Variants in SETBP1 observed in about 807,000 individuals in gnomAD.
The protein encoded by SETBP1 is SET-binding protein.
SETBP1 carries 9 observed loss-of-function variants against 101.0 expected under a neutral mutation model. That is an observed-to-expected ratio of 0.09 (90% CI 0.05 to 0.16). The LOEUF (loss-of-function observed/expected upper bound fraction) is 0.16. Among genes scored for constraint, SETBP1 ranks in the 10% least tolerant of loss-of-function variants. The pLI, the probability that SETBP1 is intolerant of heterozygous loss-of-function variation, is 1.00. For missense variants in SETBP1, 1,858 were observed against 2,033.8 expected (o/e 0.91, Z 1.66); for synonymous variants, 818 against 788.5 (o/e 1.04, Z -0.63).
At chr18:44,682,554 C>T (rs1373010552) in intron 1 of SETBP1, among the ~76,000 whole-genome samples, 3 of 152,138 alleles carry the variant, frequency 2.0e-5, no homozygotes, top group Admixed American at 1.3e-4. Context: ...TTTGCTCTGA[C>T]GAGGGATTCC....
chr18:44,881,135 A>C (rs2069521755), intron 3 of SETBP1, among the ~76,000 whole-genome samples: 1 of 152,248 alleles, frequency 6.6e-6, no homozygotes, highest in South Asian at 2.1e-4. Context: ...GGAGTTAACA[A>C]GTTTTGTGAG....
chr18:44,828,254 A>T (rs2144431578), intron 2 of SETBP1, among the ~76,000 whole-genome samples: 1 of 152,270 alleles, frequency 6.6e-6, no homozygotes, highest in African/African-American at 2.4e-5. Flanking sequence ...CCAGTTAGGA[A>T]GTTCCGTTAT....
At chr18:44,891,546 A>G (rs1358853327) in intron 3 of SETBP1, among the ~76,000 whole-genome samples, 1 of 152,116 alleles carries the variant, frequency 6.6e-6, no homozygotes, top group Non-Finnish European at 1.5e-5. Context: ...CACCAGCCAC[A>G]GCTTCTAAAG....
At chr18:44,720,465 G>A (rs1415068403) in intron 2 of SETBP1, among the ~76,000 whole-genome samples, 4 of 152,206 alleles carry the variant, frequency 2.6e-5, no homozygotes, top group African/African-American at 9.6e-5. Flanking sequence ...CACCTAGTAT[G>A]AATGATGCCT....
intron 2 of SETBP1, among the ~76,000 whole-genome samples, chr18:44,819,962 A>G (rs966414323): frequency 6.6e-6 from 1 of 152,264 alleles, no homozygotes; most frequent in African/African-American, 2.4e-5. Context: ...TACAAAAAAA[A>G]AAGTTGCCTT....
intron 1 of SETBP1, among the ~76,000 whole-genome samples, chr18:44,688,530 G>A (rs1001609331): frequency 4.8e-4 from 71 of 147,754 alleles, no homozygotes; most frequent in African/African-American, 1.7e-3. Context: ...TCTGCTCACT[G>A]CAACCTCCAC....
chr18:44,968,549 G>T (rs891077732), intron 4 of SETBP1, among the ~76,000 whole-genome samples: 1 of 152,268 alleles, frequency 6.6e-6, no homozygotes, highest in South Asian at 2.1e-4. Context: ...TTGAGAGGGC[G>T]CTGCCAGCAA....
intron 2 of SETBP1, among the ~76,000 whole-genome samples, chr18:44,815,007 G>A (rs2071945502): frequency 6.6e-6 from 1 of 152,184 alleles, no homozygotes; most frequent in South Asian, 2.1e-4. Flanking sequence ...ATATTGTTGG[G>A]CAGGGAGGAC....
chr18:44,918,126 G>C (rs560668265), intron 3 of SETBP1, among the ~76,000 whole-genome samples: 3 of 152,172 alleles, frequency 2.0e-5, no homozygotes, highest in Non-Finnish European at 2.9e-5. Flanking sequence ...ATAAACAGTT[G>C]TCAGACAATT....
chr18:44,722,687 G>A (rs1599034296), intron 2 of SETBP1, among the ~76,000 whole-genome samples: 2 of 152,160 alleles, frequency 1.3e-5, no homozygotes, highest in Non-Finnish European at 2.9e-5. Context: ...TCGGGAGTAC[G>A]CTCATGAAGG....
chr18:44,981,052 C>T (rs2072103210), intron 4 of SETBP1, among the ~76,000 whole-genome samples: 1 of 152,222 alleles, frequency 6.6e-6, no homozygotes, highest in African/African-American at 2.4e-5. Flanking sequence ...AATGCAAATT[C>T]TCAGGCCTTA....
intron 4 of SETBP1, among the ~76,000 whole-genome samples, chr18:45,019,074 C>A (rs2073006322): frequency 6.6e-6 from 1 of 152,170 alleles, no homozygotes; most frequent in Non-Finnish European, 1.5e-5. Flanking sequence ...GATGACACCA[C>A]TGGAGACAGG....
intron 4 of SETBP1, among the ~76,000 whole-genome samples, chr18:44,972,258 A>G (rs1328857183): frequency 1.3e-5 from 2 of 152,130 alleles, no homozygotes; most frequent in Non-Finnish European, 2.9e-5. Flanking sequence ...TACCAGTCCC[A>G]TGCTGTTTTG....
chr18:44,972,407 G>A (rs1050793106), intron 4 of SETBP1, among the ~76,000 whole-genome samples: 1 of 152,166 alleles, frequency 6.6e-6, no homozygotes. Context: ...TTCCAATTCT[G>A]TCAAGAAAGT....
At chr18:44,947,932 G>A (rs1428410714) in intron 3 of SETBP1, among the ~76,000 whole-genome samples, 5 of 152,180 alleles carry the variant, frequency 3.3e-5, no homozygotes, top group African/African-American at 4.8e-5. Flanking sequence ...CTGTGATCCT[G>A]TTAGTAAACA....
At chr18:44,691,828 G>T (rs1460782862) in intron 1 of SETBP1, among the ~76,000 whole-genome samples, 3 of 152,198 alleles carry the variant, frequency 2.0e-5, no homozygotes, top group Non-Finnish European at 2.9e-5. Flanking sequence ...GTCAGAGCTG[G>T]AAGGGGCCAC....
At chr18:44,922,345 G>A (rs149629707) in intron 3 of SETBP1, among the ~76,000 whole-genome samples, 9 of 152,338 alleles carry the variant, frequency 5.9e-5, no homozygotes, top group Non-Finnish European at 7.4e-5. Context: ...TAGAGCTAGA[G>A]CCAGAACAAG....
intron 2 of SETBP1, among the ~76,000 whole-genome samples, chr18:44,785,839 C>A (rs762116604): frequency 6.6e-6 from 1 of 152,160 alleles, no homozygotes; most frequent in African/African-American, 2.4e-5. Flanking sequence ...GCCTATGGGA[C>A]CTGCTCAGAC....
intron 2 of SETBP1, among the ~76,000 whole-genome samples, chr18:44,736,006 T>G (rs1834408877): frequency 6.6e-6 from 1 of 152,170 alleles, no homozygotes; most frequent in African/African-American, 2.4e-5. Flanking sequence ...GCTGCTGCCT[T>G]AGAATCATGA....
Sources: allele counts gnomAD v4.1 joint callset (sites outside exome capture counted in the v4.1 genomes callset), GRCh38; gene constraint gnomAD v4.1.1; transcripts MANE v1.5; gene names NCBI Gene and HGNC (gene_info 2026-07-23, HGNC 2026-07-21).